The following ATXN2 variants were observed in gnomAD, a reference collection of about 807,000 sequenced individuals.
ATXN2 encodes the protein ataxin 2.
ATXN2 carries 37 observed loss-of-function variants against 138.6 expected under a neutral mutation model. That is an observed-to-expected ratio of 0.27 (90% CI 0.21 to 0.35). ATXN2 has a LOEUF of 0.35. Among genes scored for constraint, ATXN2 ranks in the 10% least tolerant of loss-of-function variants. The pLI is 1.00. For synonymous variants in ATXN2, 549 were observed against 543.7 expected (o/e 1.01, Z -0.13); for missense variants, 1,216 against 1,480.3 (o/e 0.82, Z 2.93).
In ATXN2 at chr12:111,598,431, G is replaced by T; in HGVS notation, c.251+353C>A. ...GGAGGAGCTGCCCGAGCATCCCCACGCTGCGGGCGGAGGATCGTGCGGAAG... is the reference window on the plus strand; with the variant it reads ...GGAGGAGCTGCCCGAGCATCCCCACTCTGCGGGCGGAGGATCGTGCGGAAG... On this transcript the variant is annotated intron_variant, in intron 1 of 24. Coordinates refer to ENST00000673436, the MANE Select transcript of ATXN2 (RefSeq NM_001372574.1). This position sits in a 1 kb window ranked among gnomAD's most constrained non-coding sequence, Gnocchi z 4.5. 1 of 985,636 alleles carries T rather than the reference G, an allele frequency of 1.0e-6. No homozygotes were observed. The highest frequency in any genetic ancestry group is 4.7e-5 in the South Asian group (1 of 21,298). The allele number at this position is 985,636 out of a possible 1,614,324, so 61.1% of individuals were successfully genotyped here.
intron 18 of ATXN2, among the ~76,000 whole-genome samples, chr12:111,480,504 G>A (rs959466290): frequency 2.0e-5 from 3 of 151,902 alleles, no homozygotes; most frequent in Non-Finnish European, 2.9e-5. Context: ...GTAAAACCCC[G>A]TCTCTACTAA....
chr12:111,471,067 G>C (rs1235314886), intron 18 of ATXN2: 1 of 243,402 alleles, frequency 4.1e-6, no homozygotes, highest in Non-Finnish European at 8.2e-6. Context: ...ACAGCATTAT[G>C]AAATCGCTTC....
At chr12:111,470,453 C>T in intron 19 of ATXN2, 105 bp downstream of exon 19, 1 of 1,330,114 alleles carries the variant, frequency 7.5e-7, no homozygotes, top group Non-Finnish European at 1.0e-6. Context: ...AGCTATCTAC[C>T]CTACCATCAC....
At position 111,457,371 on chromosome 12, in the gene ATXN2, G is replaced by C. The variant is rs1231296670; in HGVS notation, c.2897-12C>G. 2 of 1,599,462 alleles carry C rather than the reference G, an allele frequency of 1.3e-6. No individual in the cohort carries two copies. The highest frequency in any genetic ancestry group is 1.3e-5 in the African/African-American group (1 of 74,122). On this transcript the variant is annotated splice_polypyrimidine_tract_variant and intron_variant, in intron 21 of 24. Coordinates refer to ENST00000673436, the MANE Select transcript of ATXN2 (RefSeq NM_001372574.1). ...GGAGCCCGTGGAAACTAAAGTGAAA[G>C]AAAAAGGAGCATGTACACAACCGAT...
At chr12:111,581,442 T>A (rs949314090) in intron 1 of ATXN2, 3 of 805,396 alleles carry the variant, frequency 3.7e-6, no homozygotes, top group Non-Finnish European at 6.6e-6. Flanking sequence ...AACTATGAGA[T>A]GCTCAAGGAG....
intron 6 of ATXN2, among the ~76,000 whole-genome samples, chr12:111,522,972 C>A (rs1466751965): frequency 6.7e-6 from 1 of 150,340 alleles, no homozygotes; most frequent in African/African-American, 2.5e-5. Flanking sequence ...ATATGAACAG[C>A]TCTTTAAAAA....
chr12:111,581,548 T>C (rs1884005027), intron 1 of ATXN2: 6 of 966,234 alleles, frequency 6.2e-6, no homozygotes, highest in Admixed American at 5.1e-5. Context: ...TGCCCGACCA[T>C]GTCGTCTGGT....
intron 18 of ATXN2, among the ~76,000 whole-genome samples, chr12:111,476,284 T>G (rs1038260011): frequency 6.6e-6 from 1 of 152,182 alleles, no homozygotes; most frequent in Admixed American, 6.5e-5. Context: ...GATAAGTATT[T>G]GAACATAATC....
intron 1 of ATXN2, among the ~76,000 whole-genome samples, chr12:111,566,770 G>C (rs1023314033): frequency 8.6e-5 from 13 of 151,946 alleles, no homozygotes; most frequent in Non-Finnish European, 1.8e-4. Flanking sequence ...CCAAGTAGCT[G>C]GGATTATAGG....
chr12:111,550,578 G>C (rs771950831), intron 5 of ATXN2, among the ~76,000 whole-genome samples: 4 of 152,022 alleles, frequency 2.6e-5, no homozygotes, highest in African/African-American at 4.8e-5. Flanking sequence ...AATAGTATAA[G>C]TATAAATAAT....
chr12:111,547,248 G>A (rs1223266570), intron 5 of ATXN2, among the ~76,000 whole-genome samples: 1 of 152,102 alleles, frequency 6.6e-6, no homozygotes, highest in Non-Finnish European at 1.5e-5. Flanking sequence ...CCAATATGGT[G>A]AAACCCCGTC....
chr12:111,499,732 C>T (rs774578656), intron 14 of ATXN2, among the ~76,000 whole-genome samples: 2 of 151,874 alleles, frequency 1.3e-5, no homozygotes, highest in African/African-American at 4.8e-5. Flanking sequence ...CAGTGGCTCA[C>T]AACTATAATT....
intron 22 of ATXN2, among the ~76,000 whole-genome samples, chr12:111,456,636 C>G (rs1797871067): frequency 6.6e-6 from 1 of 152,176 alleles, no homozygotes; most frequent in South Asian, 2.1e-4. Context: ...AAGTCCCAAG[C>G]AAATAGGAAT....
chr12:111,599,082 G>C lies in ATXN2; in HGVS notation c.-48C>G. ...TCGCACGCCGGGCGGGGACAGCCGGGAGCCGGGCGCGCCAAGGAGACGCCG... is the reference window on the plus strand; with the variant it reads ...TCGCACGCCGGGCGGGGACAGCCGGCAGCCGGGCGCGCCAAGGAGACGCCG... On this transcript the variant is annotated 5_prime_UTR_variant, in exon 1 of 25. Coordinates refer to ENST00000673436, the MANE Select transcript of ATXN2 (RefSeq NM_001372574.1). 7.2e-7 allele frequency: 1 copy of C among 1,380,656 alleles called. No individual in the cohort carries two copies. Among genetic ancestry groups the C allele is most frequent in the Non-Finnish European group, 9.4e-7 (1 of 1,066,188 alleles). The allele number at this position is 1,380,656 out of a possible 1,614,324, so 85.5% of individuals were successfully genotyped here.
Position 111,591,810 on chromosome 12 carries a change from G to A in ATXN2, c.251+6974C>T, listed in dbSNP as rs149265593. On this transcript the variant is annotated intron_variant, in intron 1 of 24. Coordinates refer to ENST00000673436, the MANE Select transcript of ATXN2 (RefSeq NM_001372574.1). ...TTAAGAGACAGGGTAGGCTGCGCACGGTGGCTCATGCCTATAATCCCAGCA... is the reference window on the plus strand; with the variant it reads ...TTAAGAGACAGGGTAGGCTGCGCACAGTGGCTCATGCCTATAATCCCAGCA... Among the ~76,000 whole-genome samples, 173 of 152,154 alleles carry A rather than the reference G, an allele frequency of 1.1e-3. No homozygotes were observed. The East Asian group carries it at 0.012, about 10-fold the overall frequency.
At chr12:111,565,410 TTATAG>T (rs1043821300) in intron 1 of ATXN2, among the ~76,000 whole-genome samples, 11 of 152,352 alleles carry the variant, frequency 7.2e-5, no homozygotes, top group Admixed American at 4.6e-4. Context: ...ATTGTATACG[TTATAG>T]TAATCTGTAA....
At chr12:111,596,051 T>A (rs1352496118) in intron 1 of ATXN2, among the ~76,000 whole-genome samples, 1 of 152,006 alleles carries the variant, frequency 6.6e-6, no homozygotes, top group Non-Finnish European at 1.5e-5. Context: ...TACAAAAAAA[T>A]TAGCCAGGTG....
intron 5 of ATXN2, among the ~76,000 whole-genome samples, chr12:111,546,452 T>C (rs1436926631): frequency 6.6e-6 from 1 of 152,190 alleles, no homozygotes; most frequent in African/African-American, 2.4e-5. Context: ...GGCATAGCTA[T>C]GCTACAATAA....
chr12:111,477,466 C>G (rs1238313445), intron 18 of ATXN2, among the ~76,000 whole-genome samples: 1 of 152,088 alleles, frequency 6.6e-6, no homozygotes, highest in Admixed American at 6.6e-5. Context: ...TCACACCCTA[C>G]ACAAAACCTA....
Sources: gnomAD v4.1 joint callset for allele counts (sites outside exome capture counted in the v4.1 genomes callset) on GRCh38, gnomAD v4.1.1 for gene constraint, Gnocchi (gnomAD v3.1) non-coding constraint, MANE v1.5 for transcripts, NCBI Gene and HGNC (gene_info 2026-07-23, HGNC 2026-07-21) for gene names.